GRM4: variants seen among roughly 807,000 people sequenced by gnomAD.
GRM4 encodes the protein metabotropic glutamate receptor 4.
Under a neutral mutation model 81.7 loss-of-function variants are expected in GRM4, and 28 were observed. The ratio of observed to expected loss-of-function variants is 0.34; its 90% CI spans 0.25 to 0.47. GRM4 has a LOEUF of 0.47. Among genes scored for constraint, GRM4 ranks in the 20% least tolerant of loss-of-function variants. The pLI is 1.00. For missense variants in GRM4, 948 were observed against 1,290.0 expected (o/e 0.73, Z 4.06); for synonymous variants, 488 against 528.8 (o/e 0.92, Z 1.06).
rs1378048949 is a variant in GRM4, at chr6:34,121,206, C to G, written c.519+11772G>C. 6.6e-6 allele frequency among the ~76,000 whole-genome samples: 1 copy of G among 152,132 alleles called. No homozygotes were observed. The highest frequency in any genetic ancestry group is 1.5e-5 in the Non-Finnish European group (1 of 68,034). On this transcript the variant is annotated intron_variant, in intron 2 of 10. Coordinates refer to ENST00000538487, the MANE Select transcript of GRM4 (RefSeq NM_000841.4). This position sits in a 1 kb window ranked among gnomAD's most constrained non-coding sequence, Gnocchi z 4.6. ...GAAACCACTCACCCTCACACACCGC[C>G]CCCCAGTCCTAAGCCTCAGACTCCT...
Position 34,036,943 on chromosome 6 carries a change from C to G in GRM4, c.1507-340G>C, listed in dbSNP as rs955145281. Among the ~76,000 whole-genome samples the G allele has an allele frequency of 6.6e-6, 1 of 152,208 alleles. No homozygotes were observed. The highest frequency in any genetic ancestry group is 6.5e-5 in the Admixed American group (1 of 15,278). On this transcript the variant is annotated intron_variant, in intron 8 of 10. Coordinates refer to ENST00000538487, the MANE Select transcript of GRM4 (RefSeq NM_000841.4). This position sits in a 1 kb window ranked among gnomAD's most constrained non-coding sequence, Gnocchi z 9.0. ...CAAAGAGAACTCAAGAGTCCTGACT[C>G]TTAGCCCCTAAGGCCTTGCTGCTCA...
intron 3 of GRM4, among the ~76,000 whole-genome samples, chr6:34,087,342 C>A (rs1373432556): frequency 6.6e-6 from 1 of 151,622 alleles, no homozygotes; most frequent in Non-Finnish European, 1.5e-5. Flanking sequence ...TCGTTTGAAT[C>A]CGGGAGGTGG....
intron 3 of GRM4, among the ~76,000 whole-genome samples, chr6:34,082,124 GCGGGACAGATCCCTGTCCAGTGGGAGC>G (rs1205638218): frequency 1.1e-3 from 108 of 95,606 alleles, no homozygotes; most frequent in African/African-American, 2.9e-3. Context: ...GTGGGAGCCT[GCGGGACAGATCCCTGTCCAGTGGGAGC>G]CTGGGGGACA....
chr6:34,040,237 G>A lies in GRM4; in HGVS notation c.1447C>T (p.Arg483Cys), dbSNP rs188910868. Residue 483 changes from arginine (R) to cysteine (C), a missense_variant, in exon 8 of 11, where the codon CGC (arginine) becomes TGC (cysteine). Transcript: ENST00000538487. ...GRYDIYQYQLRNDSAEYKVIG... is the reference protein window; with the variant it reads ...GRYDIYQYQLCNDSAEYKVIG... ...ACCTTGTACTCGGCAGAATCGTTGC[G>A]CAGCTGGTATTGGTAGATGTCATAG... 1,004 of 1,614,072 alleles carry A rather than the reference G, an allele frequency of 6.2e-4. 12 individuals carry two copies. The Admixed American group carries it at 0.012, about 19-fold the overall frequency.
At position 34,133,560 on chromosome 6, in the gene GRM4, C is replaced by T. The variant is rs1770337211; in HGVS notation, c.-64G>A. ...TCCTAGCCCTGGCAGGCCCCTGGCC[C>T]CACGGCCTGGGTGGGCATGGGCAGG... On this transcript the variant is annotated 5_prime_UTR_variant, in exon 2 of 11. Transcript: ENST00000538487. The surrounding 1 kb of genome is among the most constrained non-coding windows in gnomAD (Gnocchi z 6.5). 2.7e-6 allele frequency: 4 copies of T among 1,497,624 alleles called. No homozygotes were observed. Among genetic ancestry groups the T allele is most frequent in the Non-Finnish European group, 3.5e-6 (4 of 1,130,648 alleles). The allele number at this position is 1,497,624 out of a possible 1,614,324, so 92.8% of individuals were successfully genotyped here.
In GRM4 at chr6:34,078,287, C is replaced by A. The variant is rs751871494; in HGVS notation, c.736+13596G>T. On this transcript the variant is annotated intron_variant, in intron 3 of 10. Transcript: ENST00000538487. The surrounding 1 kb of genome is among the most constrained non-coding windows in gnomAD (Gnocchi z 4.8). ...CCTTCTGCTTCTTCTCTGTCTCCCC[C>A]CAAATACACACTCTCTTCGATCATT... Among the ~76,000 whole-genome samples, 8 of 152,086 alleles carry A rather than the reference C, an allele frequency of 5.3e-5. No individual in the cohort carries two copies. The highest frequency in any genetic ancestry group is 8.8e-5 in the Non-Finnish European group (6 of 68,022).
chr6:34,035,544 AGGC>A lies in GRM4; in HGVS notation c.2442+121_2442+123del. ...AGAAGGCAGAATGAGGCAAGAAAGAAGGCAGAATGAGGCATGAAAGAAGGCATT... is the reference window on the plus strand; with the variant it reads ...AGAAGGCAGAATGAGGCAAGAAAGAAAGAATGAGGCATGAAAGAAGGCATT... On this transcript the variant is annotated intron_variant, in intron 9 of 10. Transcript: ENST00000538487. The surrounding 1 kb of genome is among the most constrained non-coding windows in gnomAD (Gnocchi z 6.6). 3.1e-5 allele frequency: 11 copies of A among 358,324 alleles called. No individual in the cohort carries two copies. Among genetic ancestry groups the A allele is most frequent in the Non-Finnish European group, 4.4e-5 (10 of 224,942 alleles). The allele number at this position is 358,324 out of a possible 1,614,324, so 22.2% of individuals were successfully genotyped here.
chr6:34,053,026 ACT>A (rs1258372539), intron 6 of GRM4, among the ~76,000 whole-genome samples: 1 of 152,068 alleles, frequency 6.6e-6, no homozygotes, highest in African/African-American at 2.4e-5. Context: ...CTAAATCCCA[ACT>A]CTCCCACTTC....
At position 34,070,237 on chromosome 6, in the gene GRM4, T is replaced by C. The variant is rs978751246; in HGVS notation, c.737-8209A>G. ...GAGCCTGGCATCTACTTTGCTCTGG[T>C]CCACAGTGATACTCTGTGCTCAGCG... On this transcript the variant is annotated intron_variant, in intron 3 of 10. Coordinates refer to ENST00000538487, the MANE Select transcript of GRM4 (RefSeq NM_000841.4). This position sits in a 1 kb window ranked among gnomAD's most constrained non-coding sequence, Gnocchi z 4.6. Among the ~76,000 whole-genome samples, 2 of 152,108 alleles carry C rather than the reference T, an allele frequency of 1.3e-5. No individual in the cohort carries two copies. The highest frequency in any genetic ancestry group is 6.5e-5 in the Admixed American group (1 of 15,288).
intron 3 of GRM4, among the ~76,000 whole-genome samples, chr6:34,065,461 G>GT (rs1766408877): frequency 6.6e-6 from 1 of 152,162 alleles, no homozygotes; most frequent in Non-Finnish European, 1.5e-5. Flanking sequence ...AGCCCACTCC[G>GT]TATCTCAGGG....
At chr6:34,025,469 G>A (rs1401998403) in intron 10 of GRM4, among the ~76,000 whole-genome samples, 1 of 152,184 alleles carries the variant, frequency 6.6e-6, no homozygotes, top group East Asian at 1.9e-4. Context: ...GGCACCAGGG[G>A]CAGCTGCAGA....
chr6:34,137,561 C>T (rs576737788), intron 1 of GRM4, among the ~76,000 whole-genome samples: 1 of 150,308 alleles, frequency 6.7e-6, no homozygotes, highest in African/African-American at 2.4e-5. Context: ...AGGAACCTGC[C>T]TTGTGGCCAC....
At chr6:34,106,809 T>C (rs1217524936) in intron 2 of GRM4, among the ~76,000 whole-genome samples, 1 of 152,280 alleles carries the variant, frequency 6.6e-6, no homozygotes, top group Non-Finnish European at 1.5e-5. Flanking sequence ...CACTGTCATC[T>C]TGCAGGTTCT....
At chr6:34,083,334 G>A (rs77031262) in intron 3 of GRM4, among the ~76,000 whole-genome samples, 4,343 of 152,280 alleles carry the variant, frequency 0.029, 188 homozygotes, top group African/African-American at 0.095. Context: ...GCGCAGTCCC[G>A]GAGGCGCACC....
chr6:34,137,437 C>G (rs777851198), intron 1 of GRM4, among the ~76,000 whole-genome samples: 1 of 152,228 alleles, frequency 6.6e-6, no homozygotes, highest in Non-Finnish European at 1.5e-5. Flanking sequence ...TGGTGGGGGA[C>G]AGCTGCAGAC....
chr6:34,067,415 T>C (rs1581643342), intron 3 of GRM4, among the ~76,000 whole-genome samples: 1 of 98,760 alleles, frequency 1.0e-5, no homozygotes, highest in African/African-American at 4.1e-5. Context: ...CTTCCCTCCC[T>C]CCCTCCGTCC....
chr6:34,083,215 G>A (rs979070380), intron 3 of GRM4, among the ~76,000 whole-genome samples: 3 of 152,130 alleles, frequency 2.0e-5, no homozygotes, highest in Non-Finnish European at 4.4e-5. Flanking sequence ...AAAAGTGGCC[G>A]CACTGAAAGA....
chr6:34,129,139 C>T (rs1055642829), intron 2 of GRM4, among the ~76,000 whole-genome samples: 2 of 152,046 alleles, frequency 1.3e-5, no homozygotes, highest in African/African-American at 2.4e-5. Flanking sequence ...CTCAGCCTGC[C>T]GAGTGGCTGG....
At chr6:34,026,777 C>T (rs1764153357) in intron 10 of GRM4, among the ~76,000 whole-genome samples, 1 of 152,186 alleles carries the variant, frequency 6.6e-6, no homozygotes, top group Non-Finnish European at 1.5e-5. Flanking sequence ...CGGTGTCACC[C>T]TTTGGGGCCA....
Sources: allele counts gnomAD v4.1 joint callset (sites outside exome capture counted in the v4.1 genomes callset), GRCh38; gene constraint gnomAD v4.1.1; non-coding constraint Gnocchi (gnomAD v3.1); transcripts MANE v1.5; gene names NCBI Gene and HGNC (gene_info 2026-07-23, HGNC 2026-07-21).